The following PKHD1L1 variants were observed in gnomAD, a reference collection of about 807,000 sequenced individuals.
PKHD1L1 encodes the protein fibrocystin-L.
In PKHD1L1, 434 loss-of-function variants were observed where a neutral mutation model predicts 462.9. That is an observed-to-expected ratio of 0.94 (90% confidence interval 0.87 to 1.02). PKHD1L1 has a LOEUF of 1.02. PKHD1L1 is among the 50% of genes least tolerant of loss of function. The pLI, the probability that PKHD1L1 is intolerant of heterozygous loss-of-function variation, is 0.00. For synonymous variants in PKHD1L1, 1,781 were observed against 1,750.0 expected (o/e 1.02, Z -0.44); for missense variants, 5,202 against 5,096.1 (o/e 1.02, Z -0.63).
chr8:109,517,769 TTAGA>T (rs1388490880), intron 72 of PKHD1L1, among the ~76,000 whole-genome samples: 1 of 152,120 alleles, frequency 6.6e-6, no homozygotes, highest in Non-Finnish European at 1.5e-5. Context: ...ACTGTATAAA[TTAGA>T]TAGCTAGTAA....
intron 13 of PKHD1L1, 89 bp downstream of exon 13, chr8:109,400,433 A>G: frequency 2.9e-6 from 4 of 1,376,478 alleles, no homozygotes; most frequent in Non-Finnish European, 3.9e-6. Context: ...ACGAATGAAC[A>G]TTTTTAAAAT....
At chr8:109,502,237 T>C (rs182082366) in intron 67 of PKHD1L1, among the ~76,000 whole-genome samples, 9 of 152,310 alleles carry the variant, frequency 5.9e-5, no homozygotes, top group African/African-American at 2.2e-4. Context: ...GCATTTCTAC[T>C]TAATGTGGGC....
chr8:109,407,468 G>A (rs1813617454), intron 17 of PKHD1L1, among the ~76,000 whole-genome samples: 1 of 152,066 alleles, frequency 6.6e-6, no homozygotes, highest in Admixed American at 6.6e-5. Context: ...AACAAAAAGG[G>A]TCAAAAAGAT....
chr8:109,448,983 T>G (rs946711924), intron 39 of PKHD1L1, among the ~76,000 whole-genome samples: 16 of 152,144 alleles, frequency 1.1e-4, no homozygotes, highest in African/African-American at 3.9e-4. Context: ...AATTTTTTAG[T>G]TAAAAACCTT....
At chr8:109,383,024 C>T (rs1303376893) in intron 4 of PKHD1L1, among the ~76,000 whole-genome samples, 1 of 137,078 alleles carries the variant, frequency 7.3e-6, no homozygotes, top group African/African-American at 2.7e-5. Flanking sequence ...TAAGCATTAT[C>T]CCATATATAT....
At chr8:109,372,174 T>C (rs1390009673) in intron 2 of PKHD1L1, among the ~76,000 whole-genome samples, 1 of 152,226 alleles carries the variant, frequency 6.6e-6, no homozygotes, top group Non-Finnish European at 1.5e-5. Flanking sequence ...TCCTCTTTTA[T>C]TTCATTGAGC....
intron 60 of PKHD1L1, 52 bp downstream of exon 60, chr8:109,490,107 T>TGCA: frequency 1.8e-6 from 2 of 1,130,032 alleles, no homozygotes; most frequent in Non-Finnish European, 2.5e-6. Context: ...CAAAATATTT[T>TGCA]TATTTTCATT....
chr8:109,476,202 T>C (rs949401023), intron 51 of PKHD1L1, among the ~76,000 whole-genome samples: 7 of 151,446 alleles, frequency 4.6e-5, no homozygotes, highest in African/African-American at 1.7e-4. Flanking sequence ...ATCACATATA[T>C]GTGTGTGTAT....
rs1815622041 is a variant in PKHD1L1 at position 109,439,106 on chromosome 8, C to T, written c.3956+14C>T. 1.9e-6 allele frequency: 3 copies of T among 1,604,488 alleles called. No homozygotes were observed. Among genetic ancestry groups the T allele is most frequent in the Non-Finnish European group, 2.6e-6 (3 of 1,173,600 alleles). The stretch of plus-strand genomic sequence containing the variant: ...TGCATCAACAAGGTATGATAATGAA[C>T]ATAAACTTGATGGAGTTGTAGAACA... On this transcript the variant is annotated intron_variant, in intron 32 of 77. Coordinates refer to ENST00000378402, the MANE Select transcript of PKHD1L1 (RefSeq NM_177531.6).
Position 109,497,238 on chromosome 8 carries a change from CA to C in PKHD1L1, c.10566del (p.His3523ThrfsTer14). On this transcript the variant is annotated frameshift_variant, in exon 65 of 78. Transcript: ENST00000378402. LOFTEE classifies it high-confidence loss of function. ...ATGATTTACATGCCAGCTGCTATAT[CA>C]CACAAAATTTCCAGTAAAAATGTAC... ...FPMIYMPAAI[S>X]HKISSKNVQI... is the part of the protein sequence containing the mutation. 6.2e-7 allele frequency: 1 copy of C among 1,613,388 alleles called. No individual in the cohort carries two copies. The highest frequency in any genetic ancestry group is 1.3e-5 in the African/African-American group (1 of 74,944).
intron 56 of PKHD1L1, among the ~76,000 whole-genome samples, chr8:109,481,911 G>GC (rs1246951783): frequency 6.6e-6 from 1 of 151,592 alleles, no homozygotes; most frequent in Non-Finnish European, 1.5e-5. Flanking sequence ...CTTTATGTAA[G>GC]CAATACTATG....
At position 109,537,080 on chromosome 8, in the gene PKHD1L1, T is replaced by A. The variant is rs866296725; in HGVS notation, c.*6990T>A. 2.4e-4 allele frequency among the ~76,000 whole-genome samples: 37 copies of A among 152,254 alleles called. No individual in the cohort carries two copies. The highest frequency in any genetic ancestry group is 1.2e-4 in the Non-Finnish European group (8 of 68,042). On this transcript the variant is annotated 3_prime_UTR_variant, in exon 78 of 78. Transcript: ENST00000378402. ...AGAAAATCCTATGCTTTCAAATGTATCTGCTCAAAGATGTCACTCTATGTG... is the reference window on the plus strand; with the variant it reads ...AGAAAATCCTATGCTTTCAAATGTAACTGCTCAAAGATGTCACTCTATGTG...
rs2131079193 is a variant in PKHD1L1, at chr8:109,536,771, G to T, written c.*6681G>T. On this transcript the variant is annotated 3_prime_UTR_variant, in exon 78 of 78. Coordinates refer to ENST00000378402, the MANE Select transcript of PKHD1L1 (RefSeq NM_177531.6). Reference sequence around the variant, plus strand: ...TTGTTACTAAATTTTGAATCTTCCTGTATTTAGCAATAAAAGTTACTGCTA... The same window carrying T: ...TTGTTACTAAATTTTGAATCTTCCTTTATTTAGCAATAAAAGTTACTGCTA... Among the ~76,000 whole-genome samples the T allele has an allele frequency of 6.6e-6, 1 of 152,146 alleles. No individual in the cohort carries two copies. Among genetic ancestry groups the T allele is most frequent in the South Asian group, 2.1e-4 (1 of 4,830 alleles).
rs1817639131 is a variant in PKHD1L1 at position 109,469,985 on chromosome 8, CT to C, written c.8605+3220del. The C allele has an allele frequency of 2.6e-5, 8 of 307,170 alleles. No individual in the cohort carries two copies. In the East Asian group the frequency reaches 3.6e-4, roughly 14 times the overall value. The allele number at this position is 307,170 out of a possible 1,614,324, so 19.0% of individuals were successfully genotyped here. ...TAGAATAGTTTCTTATTTAATCATC[CT>C]TTTACATACTTTATGGCATACCTGT... On this transcript the variant is annotated intron_variant, in intron 50 of 77. Transcript: ENST00000378402.
chr8:109,470,316 T>G, intron 50 of PKHD1L1: 1 of 1,489,702 alleles, frequency 6.7e-7, no homozygotes, highest in South Asian at 1.1e-5. Context: ...CATCATCATA[T>G]TTAGATAACT....
chr8:109,508,121 A>G lies in PKHD1L1; in HGVS notation c.11252A>G (p.Lys3751Arg). The change falls in exon 70 of 78, where the codon AAG (lysine) becomes AGG (arginine). Residue 3751 changes from lysine (K) to arginine (R), a missense_variant. By Grantham distance (26) the Lys-to-Arg change is conservative. Coordinates refer to ENST00000378402, the MANE Select transcript of PKHD1L1 (RefSeq NM_177531.6). Reference sequence around the variant, plus strand: ...GGAATTATTAGAGATTCAACCTGTAAGTACCTTCCAGAGTGGCAGAGCTAT... The same window carrying G: ...GGAATTATTAGAGATTCAACCTGTAGGTACCTTCCAGAGTGGCAGAGCTAT... ...HKGIIRDSTC[K>R]YLPEWQSYQC... 1.9e-6 allele frequency: 3 copies of G among 1,611,514 alleles called. No individual in the cohort carries two copies. The highest frequency in any genetic ancestry group is 2.5e-6 in the Non-Finnish European group (3 of 1,178,766).
At chr8:109,503,092 G>T (rs2130959934) in intron 67 of PKHD1L1, among the ~76,000 whole-genome samples, 1 of 152,284 alleles carries the variant, frequency 6.6e-6, no homozygotes, top group South Asian at 2.1e-4. Flanking sequence ...GATCACTTGA[G>T]GTCAGGAGTT....
intron 33 of PKHD1L1, 98 bp downstream of exon 33, chr8:109,440,950 C>A (rs1314816856): frequency 3.7e-6 from 5 of 1,364,348 alleles, no homozygotes; most frequent in African/African-American, 1.5e-5. Flanking sequence ...TAAATCACAG[C>A]TTTATTTTTC....
rs758110216 is a variant in PKHD1L1, at chr8:109,465,202, G to A, written c.8370G>A (p.Trp2790Ter). 1 of 1,613,568 alleles carries A rather than the reference G, an allele frequency of 6.2e-7. No homozygotes were observed. The highest frequency in any genetic ancestry group is 8.5e-7 in the Non-Finnish European group (1 of 1,179,696). The stretch of plus-strand genomic sequence containing the variant: ...CACCGAACAAGGCTGGCTTTCGCTG[G>A]GAACATGAAATGGTAATGATTGATG... Reference protein sequence around the residue: ...SHTPNKAGFRWEHEMVMIDVD... With the variant: ...SHTPNKAGFR Residue 2790 changes from tryptophan (W) to a stop codon, truncating the protein, a stop_gained, in exon 49 of 78, where the codon TGG becomes TGA. Transcript: ENST00000378402. LOFTEE classifies it high-confidence loss of function.
Sources: gnomAD v4.1 joint callset for allele counts (sites outside exome capture counted in the v4.1 genomes callset) on GRCh38, gnomAD v4.1.1 for gene constraint, MANE v1.5 for transcripts, NCBI Gene and HGNC (gene_info 2026-07-23, HGNC 2026-07-21) for gene names.